KDM4C: variants seen among roughly 807,000 people sequenced by gnomAD.
KDM4C encodes lysine demethylase 4C.
Under a neutral mutation model 129.3 loss-of-function variants are expected in KDM4C, and 81 were observed. That is an observed-to-expected ratio of 0.63 (90% CI 0.52 to 0.75). KDM4C has a LOEUF of 0.75. Among genes scored for constraint, KDM4C ranks in the 30% least tolerant of loss-of-function variants. KDM4C has a pLI of 0.00. For missense variants in KDM4C, 1,457 were observed against 1,304.0 expected (o/e 1.12, Z -1.81); for synonymous variants, 573 against 456.1 (o/e 1.26, Z -3.26).
At chr9:6,955,047 G>A (rs1416183761) in intron 8 of KDM4C, among the ~76,000 whole-genome samples, 1 of 152,194 alleles carries the variant, frequency 6.6e-6, no homozygotes, top group Non-Finnish European at 1.5e-5. Context: ...GAATTTTGTG[G>A]CTAGACCCCT....
intron 15 of KDM4C, among the ~76,000 whole-genome samples, chr9:7,036,732 A>G (rs1028368525): frequency 6.6e-6 from 1 of 152,200 alleles, no homozygotes; most frequent in Non-Finnish European, 1.5e-5. Flanking sequence ...AGTTGGTTAG[A>G]ATTCAAGCCT....
intron 17 of KDM4C, among the ~76,000 whole-genome samples, chr9:7,081,511 G>A (rs1210543536): frequency 3.3e-5 from 5 of 152,202 alleles, no homozygotes; most frequent in South Asian, 2.1e-4. Flanking sequence ...GTGAATGAGT[G>A]AAAATCATCT....
At chr9:6,924,899 T>C in intron 8 of KDM4C, 2 of 984,900 alleles carry the variant, frequency 2.0e-6, no homozygotes, top group Non-Finnish European at 2.4e-6. Context: ...GAGCATTTTG[T>C]TGGTCAGAGT....
chr9:6,964,903 G>A (rs1263514064), intron 8 of KDM4C, among the ~76,000 whole-genome samples: 2 of 151,962 alleles, frequency 1.3e-5, no homozygotes, highest in African/African-American at 4.8e-5. Flanking sequence ...GCAGTGAGCC[G>A]AGATCGCGCC....
chr9:7,056,810 G>C (rs914131367), intron 17 of KDM4C, among the ~76,000 whole-genome samples: 1 of 152,062 alleles, frequency 6.6e-6, no homozygotes, highest in Non-Finnish European at 1.5e-5. Flanking sequence ...TTCTGATCTT[G>C]TCTGTGTGAG....
chr9:7,003,154 C>T (rs1489067503), intron 12 of KDM4C, among the ~76,000 whole-genome samples: 2 of 152,178 alleles, frequency 1.3e-5, no homozygotes, highest in Non-Finnish European at 2.9e-5. Flanking sequence ...ACGTGAGCCA[C>T]TGTGTCCAGC....
At chr9:6,803,942 C>G (rs1442076241) in intron 2 of KDM4C, among the ~76,000 whole-genome samples, 1 of 152,010 alleles carries the variant, frequency 6.6e-6, no homozygotes, top group Non-Finnish European at 1.5e-5. Flanking sequence ...CCTGCCTCAG[C>G]CTCTCGAGTA....
intron 6 of KDM4C, among the ~76,000 whole-genome samples, chr9:6,885,407 T>A (rs189341644): frequency 9.2e-5 from 14 of 152,316 alleles, no homozygotes; most frequent in African/African-American, 3.1e-4. Context: ...CCTACACACT[T>A]CTCTGTGTTG....
At chr9:6,776,323 G>T (rs552177233) in intron 1 of KDM4C, among the ~76,000 whole-genome samples, 59 of 152,258 alleles carry the variant, frequency 3.9e-4, no homozygotes, top group Middle Eastern at 3.4e-3. Flanking sequence ...GAGTGCAGTG[G>T]CACGATCTCG....
intron 1 of KDM4C, among the ~76,000 whole-genome samples, chr9:6,766,719 T>G (rs1479143152): frequency 1.3e-5 from 2 of 151,948 alleles, no homozygotes; most frequent in African/African-American, 2.4e-5. Flanking sequence ...ATCACATAGT[T>G]TTTGGTGACA....
At chr9:6,890,646 A>G (rs1388361582) in intron 7 of KDM4C, among the ~76,000 whole-genome samples, 1 of 151,134 alleles carries the variant, frequency 6.6e-6, no homozygotes, top group Non-Finnish European at 1.5e-5. Context: ...TTTTTAAATC[A>G]TGGCATGAGC....
chr9:6,966,910 G>T (rs1221228945), intron 8 of KDM4C, among the ~76,000 whole-genome samples: 1 of 152,098 alleles, frequency 6.6e-6, no homozygotes, highest in African/African-American at 2.4e-5. Flanking sequence ...ATCACAGAAT[G>T]CAATAATCAT....
rs371419969 is a variant in KDM4C, at chr9:7,013,842, G to C, written c.2023G>C (p.Val675Leu). 100 of 1,614,016 alleles carry C rather than the reference G, an allele frequency of 6.2e-5. No homozygotes were observed. The African/African-American group carries it at 1.2e-3, about 20-fold the overall frequency. Residue 675 changes from valine (V) to leucine (L), a missense_variant, in exon 14 of 22, where the codon GTC (valine) becomes CTC (leucine). Val to Leu is a conservative substitution (Grantham distance 32). Coordinates refer to ENST00000381309, the MANE Select transcript of KDM4C (RefSeq NM_015061.6). Reference protein sequence around the residue: ...DARWETKLDEVVTSEGKTKPL... With the variant: ...DARWETKLDELVTSEGKTKPL... Reference sequence around the variant, plus strand: ...TAGATGGGAGACAAAATTAGATGAAGTCGTTACATCGGAGGGAAAGACTAA... The same window carrying C: ...TAGATGGGAGACAAAATTAGATGAACTCGTTACATCGGAGGGAAAGACTAA...
At chr9:7,094,298 G>A (rs1046802839) in intron 17 of KDM4C, among the ~76,000 whole-genome samples, 3 of 151,906 alleles carry the variant, frequency 2.0e-5, no homozygotes, top group Non-Finnish European at 4.4e-5. Flanking sequence ...ACTACCTTTT[G>A]TCCATTCCTT....
chr9:6,815,770 G>C (rs1831970833), intron 4 of KDM4C, among the ~76,000 whole-genome samples: 1 of 152,074 alleles, frequency 6.6e-6, no homozygotes, highest in African/African-American at 2.4e-5. Context: ...ACTCCAAAAT[G>C]GGGAAAAATC....
At chr9:7,138,641 C>T (rs1389960150) in intron 19 of KDM4C, among the ~76,000 whole-genome samples, 1 of 151,868 alleles carries the variant, frequency 6.6e-6, no homozygotes. Context: ...ATAGAAAGAC[C>T]TCTTCTTTAC....
intron 8 of KDM4C, among the ~76,000 whole-genome samples, chr9:6,916,546 C>T (rs764734976): frequency 2.4e-4 from 36 of 152,218 alleles, no homozygotes; most frequent in Admixed American, 1.2e-3. Context: ...AGGAGTGAGC[C>T]ACTGTGCCTG....
chr9:6,831,186 A>G (rs551396068), intron 4 of KDM4C, among the ~76,000 whole-genome samples: 9 of 152,230 alleles, frequency 5.9e-5, no homozygotes, highest in East Asian at 1.9e-4. Context: ...CAGTCAGACA[A>G]TATTCTGCTG....
intron 1 of KDM4C, among the ~76,000 whole-genome samples, chr9:6,740,679 C>T (rs1000791503): frequency 1.3e-5 from 2 of 151,928 alleles, no homozygotes; most frequent in African/African-American, 4.8e-5. Flanking sequence ...CCACCACATC[C>T]AGCAAATTTT....
Sources: allele counts gnomAD v4.1 joint callset (sites outside exome capture counted in the v4.1 genomes callset), GRCh38; gene constraint gnomAD v4.1.1; transcripts MANE v1.5; gene names NCBI Gene and HGNC (gene_info 2026-07-23, HGNC 2026-07-21).